The following DLG1 variants were observed in gnomAD, a reference collection of about 807,000 sequenced individuals.
DLG1 encodes disks large homolog 1.
DLG1 carries 42 observed loss-of-function variants against 123.4 expected under a neutral mutation model. The observed-to-expected ratio is 0.34, with a 90% CI of 0.27 to 0.44. DLG1 has a LOEUF of 0.44. DLG1 is among the 20% of genes least tolerant of loss of function. The pLI is 1.00. For missense variants in DLG1, 942 were observed against 1,082.6 expected (o/e 0.87, Z 1.82); for synonymous variants, 317 against 356.2 (o/e 0.89, Z 1.24).
At chr3:197,111,772 A>C (rs1319179014) in intron 13 of DLG1, among the ~76,000 whole-genome samples, 1 of 152,132 alleles carries the variant, frequency 6.6e-6, no homozygotes, top group Admixed American at 6.5e-5. Flanking sequence ...ATGTAACTGG[A>C]ATTATATAGA....
chr3:197,139,779 A>G (rs946630502), intron 8 of DLG1, among the ~76,000 whole-genome samples: 1 of 141,612 alleles, frequency 7.1e-6, no homozygotes, highest in Admixed American at 7.2e-5. Context: ...GTGTACTTAA[A>G]TAAGTTTATA....
chr3:197,094,896 T>C (rs544136802), intron 14 of DLG1, among the ~76,000 whole-genome samples: 4 of 152,188 alleles, frequency 2.6e-5, no homozygotes, highest in Non-Finnish European at 5.9e-5. Flanking sequence ...GGGAGGGAAG[T>C]GGAATTCCAG....
chr3:197,222,653 C>T (rs1737744127), intron 4 of DLG1, among the ~76,000 whole-genome samples: 1 of 152,122 alleles, frequency 6.6e-6, no homozygotes. Flanking sequence ...CCAAGAAACA[C>T]AGCTAAGTGG....
Position 197,089,248 on chromosome 3 carries a change from C to T in DLG1, c.1661+1664G>A, listed in dbSNP as rs1756272319. Reference sequence around the variant, plus strand: ...AATATATGGTTTTAAAAAATAGAAGCTGGGCACAGTGGCTCATGCCTGTAA... The same window carrying T: ...AATATATGGTTTTAAAAAATAGAAGTTGGGCACAGTGGCTCATGCCTGTAA... On this transcript the variant is annotated intron_variant, in intron 15 of 24. Transcript: ENST00000667157. Among the ~76,000 whole-genome samples the T allele has an allele frequency of 2.0e-5, 3 of 152,094 alleles. No individual in the cohort carries two copies. The South Asian group carries it at 6.2e-4, about 31-fold the overall frequency.
At chr3:197,108,874 C>A (rs1001424085) in intron 13 of DLG1, among the ~76,000 whole-genome samples, 4 of 152,118 alleles carry the variant, frequency 2.6e-5, no homozygotes, top group African/African-American at 9.7e-5. Flanking sequence ...AATATAATTA[C>A]TGATAATGTA....
At chr3:197,056,691 T>C (rs1440775238) in intron 23 of DLG1, among the ~76,000 whole-genome samples, 1 of 152,224 alleles carries the variant, frequency 6.6e-6, no homozygotes, top group African/African-American at 2.4e-5. Context: ...CAAACACAGA[T>C]GAGCAATATT....
chr3:197,104,119 C>G (rs1765023988), intron 14 of DLG1, among the ~76,000 whole-genome samples: 1 of 152,050 alleles, frequency 6.6e-6, no homozygotes, highest in African/African-American at 2.4e-5. Context: ...GCAGTAACAG[C>G]TATTAGAAAC....
chr3:197,266,432 C>A lies in DLG1; in HGVS notation c.318+16247G>T, dbSNP rs182676647. Among the ~76,000 whole-genome samples, 310 of 152,018 alleles carry A rather than the reference C, an allele frequency of 2.0e-3. 4 individuals are homozygous for A. The highest frequency in any genetic ancestry group is 1.7e-3 in the Non-Finnish European group (116 of 67,984). Reference sequence around the variant, plus strand: ...GACCAACCTGGGCAATCCAGCAAGACCCCATCTCTGCCAAAAAATTAAAAA... The same window carrying A: ...GACCAACCTGGGCAATCCAGCAAGAACCCATCTCTGCCAAAAAATTAAAAA... On this transcript the variant is annotated intron_variant, in intron 4 of 24. Coordinates refer to ENST00000667157, the MANE Select transcript of DLG1 (RefSeq NM_001366207.1).
At chr3:197,050,415 C>A (rs907065838) in intron 24 of DLG1, among the ~76,000 whole-genome samples, 16 of 151,280 alleles carry the variant, frequency 1.1e-4, no homozygotes, top group African/African-American at 3.9e-4. Context: ...CAACAACAAA[C>A]AACAACAAAT....
At chr3:197,291,945 T>C (rs1370045847) in intron 3 of DLG1, among the ~76,000 whole-genome samples, 1 of 152,040 alleles carries the variant, frequency 6.6e-6, no homozygotes, top group Non-Finnish European at 1.5e-5. Context: ...ATGGCTATTA[T>C]CAAAAAAAGA....
chr3:197,090,114 A>G (rs1210336707), intron 15 of DLG1, among the ~76,000 whole-genome samples: 1 of 152,150 alleles, frequency 6.6e-6, no homozygotes, highest in Non-Finnish European at 1.5e-5. Context: ...GGATAAATGA[A>G]ACGTATTAGG....
intron 20 of DLG1, 128 bp downstream of exon 20, chr3:197,066,576 T>C (rs1445836411): frequency 1.9e-6 from 1 of 526,584 alleles, no homozygotes; most frequent in African/African-American, 2.0e-5. Context: ...ATGTAGTAAA[T>C]TTCTACATGT....
At position 197,249,783 on chromosome 3, in the gene DLG1, T is replaced by C. The variant is rs538961357; in HGVS notation, c.318+32896A>G. Among the ~76,000 whole-genome samples, 9 of 152,302 alleles carry C rather than the reference T, an allele frequency of 5.9e-5. 1 individual carries two copies. Among genetic ancestry groups the C allele is most frequent in the South Asian group, 4.1e-4 (2 of 4,822 alleles). The stretch of plus-strand genomic sequence containing the variant: ...GACATACACAAACCAATAAACATGA[T>C]ACATCACATTAACAGAACCGAAAAC... On this transcript the variant is annotated intron_variant, in intron 4 of 24. Coordinates refer to ENST00000667157, the MANE Select transcript of DLG1 (RefSeq NM_001366207.1).
At chr3:197,093,635 T>C (rs1759027733) in intron 14 of DLG1, among the ~76,000 whole-genome samples, 1 of 152,070 alleles carries the variant, frequency 6.6e-6, no homozygotes, top group African/African-American at 2.4e-5. Context: ...GGTATGACTC[T>C]TATGTACTGC....
rs1273379290 is a variant in DLG1, at chr3:197,158,464, A to T, written c.484-8668T>A. Among the ~76,000 whole-genome samples, 7 of 11,956 alleles carry T rather than the reference A, an allele frequency of 5.9e-4. No homozygotes were observed. The East Asian group carries it at 0.012, about 21-fold the overall frequency. The allele number at this position is 11,956 out of a possible 152,430, so 7.8% of individuals were successfully genotyped here. ...ATGGAGAAACCTCGTCTCTACTTAA[A>T]AAAAAAAAAAAAAAAAAAAATTAGC... On this transcript the variant is annotated intron_variant, in intron 5 of 24. Coordinates refer to ENST00000667157, the MANE Select transcript of DLG1 (RefSeq NM_001366207.1).
chr3:197,242,280 C>T (rs1029035719), intron 4 of DLG1, among the ~76,000 whole-genome samples: 13 of 151,982 alleles, frequency 8.6e-5, no homozygotes, highest in Admixed American at 7.9e-4. Context: ...CATCAGAGCT[C>T]CCAAGTATAT....
intron 4 of DLG1, among the ~76,000 whole-genome samples, chr3:197,228,969 T>G (rs1184148130): frequency 6.6e-6 from 1 of 152,182 alleles, no homozygotes; most frequent in Non-Finnish European, 1.5e-5. Flanking sequence ...AGACAAAGGT[T>G]GTTCAAGATT....
At chr3:197,289,979 T>G (rs1774026090) in intron 3 of DLG1, among the ~76,000 whole-genome samples, 1 of 152,168 alleles carries the variant, frequency 6.6e-6, no homozygotes, top group Non-Finnish European at 1.5e-5. Flanking sequence ...GAGAAATGGC[T>G]GATTCCAGGG....
chr3:197,052,068 T>C (rs1431551888), intron 23 of DLG1, among the ~76,000 whole-genome samples: 1 of 152,074 alleles, frequency 6.6e-6, no homozygotes, highest in African/African-American at 2.4e-5. Flanking sequence ...CCCGAACTCC[T>C]GACCCCAGGT....
Sources: gnomAD v4.1 joint callset for allele counts (sites outside exome capture counted in the v4.1 genomes callset) on GRCh38, gnomAD v4.1.1 for gene constraint, MANE v1.5 for transcripts, NCBI Gene and HGNC (gene_info 2026-07-23, HGNC 2026-07-21) for gene names.